Variants in DTNA observed in about 807,000 individuals in gnomAD.
The protein encoded by DTNA is dystrophin-related protein 3.
DTNA carries 43 observed loss-of-function variants against 100.7 expected under a neutral mutation model. The ratio of observed to expected loss-of-function variants is 0.43; its 90% CI spans 0.33 to 0.55. The LOEUF (loss-of-function observed/expected upper bound fraction) is 0.55. Among genes scored for constraint, DTNA ranks in the 20% least tolerant of loss-of-function variants. The probability of loss-of-function intolerance (pLI) is 0.04; values close to 1 mark genes in which losing one functional copy is unlikely to be tolerated. For synonymous variants in DTNA, 349 were observed against 347.9 expected (o/e 1.00, Z -0.04); for missense variants, 798 against 953.9 (o/e 0.84, Z 2.15).
intron 1 of DTNA, among the ~76,000 whole-genome samples, chr18:34,650,531 A>G (rs1056011443): frequency 6.6e-6 from 1 of 152,122 alleles, no homozygotes; most frequent in East Asian, 1.9e-4. Flanking sequence ...ACTGTTAATC[A>G]TCGTTTGAAT....
intron 1 of DTNA, among the ~76,000 whole-genome samples, chr18:34,637,949 A>C (rs961023475): frequency 6.6e-6 from 1 of 152,154 alleles, no homozygotes; most frequent in Non-Finnish European, 1.5e-5. Context: ...TGTCATTGTC[A>C]TTTTTGCCTG....
chr18:34,577,563 G>C (rs1435345243), intron 1 of DTNA, among the ~76,000 whole-genome samples: 1 of 152,112 alleles, frequency 6.6e-6, no homozygotes, highest in Non-Finnish European at 1.5e-5. Context: ...AACCCCATTT[G>C]TAGTCTTTTA....
intron 13 of DTNA, among the ~76,000 whole-genome samples, chr18:34,847,486 T>C (rs927908945): frequency 6.6e-6 from 1 of 152,198 alleles, no homozygotes. Flanking sequence ...TTTCTGTAGG[T>C]TGAGAATCCA....
intron 1 of DTNA, among the ~76,000 whole-genome samples, chr18:34,645,230 A>G (rs2059701521): frequency 6.6e-6 from 1 of 152,128 alleles, no homozygotes; most frequent in Admixed American, 6.5e-5. Context: ...TAGGTGGAGG[A>G]CTTTGTTAAA....
Position 34,879,752 on chromosome 18 carries a change from G to A in DTNA, c.2162+33G>A, listed in dbSNP as rs775925566. 3.1e-6 allele frequency: 5 copies of A among 1,613,110 alleles called. No homozygotes were observed. The South Asian group carries it at 4.4e-5, about 14-fold the overall frequency. Reference sequence around the variant, plus strand: ...TCTTCCGCTTGGAAGCATTTTCTCAGTAACAAAACAATCTGTAGGAGACAA... The same window carrying A: ...TCTTCCGCTTGGAAGCATTTTCTCAATAACAAAACAATCTGTAGGAGACAA... On this transcript the variant is annotated intron_variant, in intron 20 of 22. Transcript: ENST00000444659.
At chr18:34,583,700 C>T (rs2048853909) in intron 1 of DTNA, among the ~76,000 whole-genome samples, 1 of 151,810 alleles carries the variant, frequency 6.6e-6, no homozygotes, top group South Asian at 2.1e-4. Flanking sequence ...CAAATGGGAA[C>T]TCCATTGAGA....
intron 3 of DTNA, among the ~76,000 whole-genome samples, chr18:34,777,182 G>A (rs1313316175): frequency 6.6e-6 from 1 of 152,158 alleles, no homozygotes; most frequent in Non-Finnish European, 1.5e-5. Context: ...CCCAACTTGA[G>A]TGTAGGCTTC....
chr18:34,626,937 G>A (rs997252684), intron 1 of DTNA, among the ~76,000 whole-genome samples: 1 of 152,154 alleles, frequency 6.6e-6, no homozygotes, highest in Admixed American at 6.5e-5. Flanking sequence ...TCAAAGTAAT[G>A]GAAATCCCCT....
intron 1 of DTNA, among the ~76,000 whole-genome samples, chr18:34,511,472 A>G (rs1157388124): frequency 6.6e-6 from 1 of 152,110 alleles, no homozygotes; most frequent in African/African-American, 2.4e-5. Flanking sequence ...TGACTTAGTT[A>G]TTAGTAAAAA....
intron 3 of DTNA, among the ~76,000 whole-genome samples, chr18:34,771,347 T>A (rs1184551891): frequency 1.3e-5 from 2 of 151,888 alleles, no homozygotes; most frequent in South Asian, 2.1e-4. Flanking sequence ...AAAATACAAA[T>A]AATTAGCGGG....
chr18:34,753,367 TTTTTTTTTTTTTTTTATTTTTTA>T (rs2092508447), intron 1 of DTNA, among the ~76,000 whole-genome samples: 2 of 93,276 alleles, frequency 2.1e-5, no homozygotes, highest in African/African-American at 1.2e-4. Context: ...ATTTATTTTA[TTTTTTTTTTTTTTTTATTTTTTA>T]TTTTTTTTTT....
chr18:34,811,889 A>C, intron 5 of DTNA, 70 bp from the exon 6 acceptor site: 1 of 1,574,282 alleles, frequency 6.4e-7, no homozygotes, highest in Non-Finnish European at 8.7e-7. Flanking sequence ...CATTTGTAGC[A>C]GATATATTGA....
At chr18:34,841,747 A>T (rs2096272302) in intron 13 of DTNA, among the ~76,000 whole-genome samples, 1 of 152,150 alleles carries the variant, frequency 6.6e-6, no homozygotes, top group Non-Finnish European at 1.5e-5. Context: ...ACTGGTTCCC[A>T]TCTATTTTCC....
At chr18:34,790,853 A>G (rs924514494) in intron 3 of DTNA, among the ~76,000 whole-genome samples, 1 of 152,180 alleles carries the variant, frequency 6.6e-6, no homozygotes, top group East Asian at 1.9e-4. Flanking sequence ...TGGTGGCAAT[A>G]AAGGTTCATG....
intron 13 of DTNA, among the ~76,000 whole-genome samples, chr18:34,844,612 T>C (rs2096341509): frequency 6.6e-6 from 1 of 152,136 alleles, no homozygotes; most frequent in Non-Finnish European, 1.5e-5. Flanking sequence ...CTAAATTAAT[T>C]TCTAGTGATA....
chr18:34,619,659 G>A (rs576962221), intron 1 of DTNA, among the ~76,000 whole-genome samples: 1 of 152,246 alleles, frequency 6.6e-6, no homozygotes, highest in East Asian at 1.9e-4. Context: ...TAGAGGATGT[G>A]GGAAAAGGTT....
chr18:34,761,693 A>G (rs1441297056), intron 2 of DTNA, among the ~76,000 whole-genome samples: 1 of 152,252 alleles, frequency 6.6e-6, no homozygotes, highest in Non-Finnish European at 1.5e-5. Context: ...CAAGAGCACT[A>G]AGTTGCCTTA....
At chr18:34,562,208 G>T (rs1286710926) in intron 1 of DTNA, among the ~76,000 whole-genome samples, 1 of 152,050 alleles carries the variant, frequency 6.6e-6, no homozygotes, top group Admixed American at 6.5e-5. Context: ...TCCTTTAAAA[G>T]AATACATACA....
At chr18:34,805,614 C>T (rs1402305008) in intron 4 of DTNA, among the ~76,000 whole-genome samples, 1 of 152,044 alleles carries the variant, frequency 6.6e-6, no homozygotes, top group Non-Finnish European at 1.5e-5. Context: ...CGTAAGCCAC[C>T]GTGCTCGGCC....
Sources: gnomAD v4.1 joint callset for allele counts (sites outside exome capture counted in the v4.1 genomes callset) on GRCh38, gnomAD v4.1.1 for gene constraint, MANE v1.5 for transcripts, NCBI Gene and HGNC (gene_info 2026-07-23, HGNC 2026-07-21) for gene names.